The following PLCH1 variants were observed in gnomAD, a reference collection of about 807,000 sequenced individuals.
PLCH1 encodes the protein 1-phosphatidylinositol 4,5-bisphosphate phosphodiesterase eta-1.
A neutral mutation model predicts 126.7 loss-of-function variants in PLCH1; 60 were observed. That is an observed-to-expected ratio of 0.47 (90% CI 0.38 to 0.59). The LOEUF (loss-of-function observed/expected upper bound fraction) is 0.59, where lower values mean the gene tolerates loss of function less well. Among genes scored for constraint, PLCH1 ranks in the 20% least tolerant of loss-of-function variants. The probability of loss-of-function intolerance (pLI) is 0.00; values close to 1 mark genes in which losing one functional copy is unlikely to be tolerated. For synonymous variants in PLCH1, 719 were observed against 734.9 expected (o/e 0.98, Z 0.35); for missense variants, 1,723 against 2,040.0 (o/e 0.84, Z 2.99).
chr3:155,476,787 G>T (rs1713564881), downstream of PLCH1, among the ~76,000 whole-genome samples: 1 of 152,060 alleles, frequency 6.6e-6, no homozygotes, highest in African/African-American at 2.4e-5. Context: ...CATATTCATG[G>T]ATTGGAAGAC....
intron 13 of PLCH1, among the ~76,000 whole-genome samples, chr3:155,504,287 T>C (rs1414030120): frequency 2.0e-5 from 3 of 152,234 alleles, no homozygotes; most frequent in Non-Finnish European, 4.4e-5. Context: ...TGGATATGTA[T>C]ATTTAAGATG....
chr3:155,561,226 C>T (rs1394471144), intron 8 of PLCH1, among the ~76,000 whole-genome samples: 3 of 151,464 alleles, frequency 2.0e-5, no homozygotes, highest in African/African-American at 7.3e-5. Context: ...TGGTGCGCTG[C>T]ACCCACTAAC....
At chr3:155,681,123 T>C (rs1744497928) in intron 2 of PLCH1, among the ~76,000 whole-genome samples, 1 of 152,246 alleles carries the variant, frequency 6.6e-6, no homozygotes, top group Non-Finnish European at 1.5e-5. Context: ...CTTTCTTCTT[T>C]ATATGTTACT....
intron 2 of PLCH1, among the ~76,000 whole-genome samples, chr3:155,602,810 C>G (rs1486774757): frequency 6.6e-6 from 1 of 151,384 alleles, no homozygotes; most frequent in East Asian, 1.9e-4. Context: ...AATATATAAA[C>G]AGAAAGCAAT....
intron 11 of PLCH1, among the ~76,000 whole-genome samples, chr3:155,518,669 T>C (rs1440020029): frequency 6.6e-6 from 1 of 152,004 alleles, no homozygotes; most frequent in African/African-American, 2.4e-5. Context: ...GAACTCCACG[T>C]CTCTAACCCC....
At chr3:155,555,453 T>C (rs572608301) in intron 8 of PLCH1, among the ~76,000 whole-genome samples, 2 of 152,174 alleles carry the variant, frequency 1.3e-5, no homozygotes, top group Admixed American at 6.5e-5. Flanking sequence ...AGCCACAAGA[T>C]GGAAAAAGAC....
intron 4 of PLCH1, among the ~76,000 whole-genome samples, chr3:155,590,316 C>T (rs577835338): frequency 2.6e-5 from 4 of 152,282 alleles, no homozygotes; most frequent in South Asian, 4.1e-4. Context: ...CGGTGGCTCA[C>T]GCCTGTAATC....
At chr3:155,658,825 T>C (rs1741748490) in intron 2 of PLCH1, among the ~76,000 whole-genome samples, 1 of 152,200 alleles carries the variant, frequency 6.6e-6, no homozygotes, top group African/African-American at 2.4e-5. Flanking sequence ...TGGAAAGAAG[T>C]AGTCACACAT....
chr3:155,471,605 C>T (rs373922399), intron 21 of PLCH1, among the ~76,000 whole-genome samples: 4 of 145,730 alleles, frequency 2.7e-5, no homozygotes, highest in Non-Finnish European at 6.0e-5. Context: ...ACTCTCCACC[C>T]CAAATCAACA....
chr3:155,592,769 T>A (rs764829197), intron 4 of PLCH1, among the ~76,000 whole-genome samples: 1 of 152,200 alleles, frequency 6.6e-6, no homozygotes, highest in Non-Finnish European at 1.5e-5. Flanking sequence ...CGGTTTCTGA[T>A]ACTTGTACCA....
At chr3:155,744,220 G>A (rs965318958) in intron 1 of PLCH1, among the ~76,000 whole-genome samples, 8 of 152,214 alleles carry the variant, frequency 5.3e-5, no homozygotes, top group Non-Finnish European at 8.8e-5. Flanking sequence ...CGCCGCGCAG[G>A]CGCAGAGCGT....
At chr3:155,488,588 CAT>C (rs1715666008) in intron 20 of PLCH1, 70 bp downstream of exon 20, 15 of 1,204,526 alleles carry the variant, frequency 1.2e-5, no homozygotes, top group East Asian at 2.4e-5. Context: ...ATGTAAGTAA[CAT>C]ATCATATATT....
Position 155,680,684 on chromosome 3 carries a change from CTTATT to C in PLCH1, c.79+23457_79+23461del, listed in dbSNP as rs573469278. Among the ~76,000 whole-genome samples the C allele has an allele frequency of 2.0e-3, 298 of 152,224 alleles. 1 individual carries two copies. The highest frequency in any genetic ancestry group is 7.0e-3 in the African/African-American group (290 of 41,552). On this transcript the variant is annotated intron_variant, in intron 2 of 22. Transcript: ENST00000460012. ...AGCAAGATTTGTAAAAATGGTTATG[CTTATT>C]TTAGTCAATAATCATTGCTGCTAGA...
intron 10 of PLCH1, among the ~76,000 whole-genome samples, chr3:155,535,469 G>A (rs1723227715): frequency 1.3e-5 from 2 of 152,192 alleles, no homozygotes. Context: ...GACTGGCCTT[G>A]CTGGCTGAGT....
At chr3:155,651,757 T>A in intron 2 of PLCH1, among the ~76,000 whole-genome samples, 1 of 152,232 alleles carries the variant, frequency 6.6e-6, no homozygotes, top group Admixed American at 6.5e-5. Flanking sequence ...AACATTAATA[T>A]AGGGGATCCC....
intron 4 of PLCH1, among the ~76,000 whole-genome samples, chr3:155,589,233 T>G (rs2108621174): frequency 6.6e-6 from 1 of 152,258 alleles, no homozygotes; most frequent in Middle Eastern, 3.4e-3. Flanking sequence ...TTTTAAGTTT[T>G]GCAGGACATT....
chr3:155,622,673 T>A (rs1736673384), intron 2 of PLCH1, among the ~76,000 whole-genome samples: 1 of 147,818 alleles, frequency 6.8e-6, no homozygotes, highest in Admixed American at 6.8e-5. Context: ...ACAAGGGCAT[T>A]ACATAATGGT....
Position 155,583,511 on chromosome 3 carries a change from A to T in PLCH1, c.732T>A (p.Thr244=). The T allele has an allele frequency of 6.2e-7, 1 of 1,607,822 alleles. No homozygotes were observed. Among genetic ancestry groups the T allele is most frequent in the South Asian group, 1.1e-5 (1 of 89,666 alleles). ...LSYSDKKDHL[T]VEELAQFLKV... ...TCAAAAACTGAGCCAGTTCTTCCAC[A>T]GTTAGGTGATCTTTCTTGTCACTGT... The change falls in exon 6 of 23, where the codon ACT becomes ACA. Residue 244 remains threonine, a synonymous_variant. Coordinates refer to ENST00000460012, the MANE Select transcript of PLCH1 (RefSeq NM_014996.4).
rs142856412 is a variant in PLCH1 at position 155,551,565 on chromosome 3, C to T, written c.1191-1607G>A. On this transcript the variant is annotated intron_variant, in intron 9 of 22. Transcript: ENST00000460012. The stretch of plus-strand genomic sequence containing the variant: ...CAATTATTCCCCCCAGTACAGGAGA[C>T]GCTTGTCAATATCTGAAGACATTTT... 6.5e-4 allele frequency among the ~76,000 whole-genome samples: 95 copies of T among 147,000 alleles called. No individual in the cohort carries two copies. The South Asian group carries it at 0.018, about 27-fold the overall frequency.
Sources: allele counts gnomAD v4.1 joint callset (sites outside exome capture counted in the v4.1 genomes callset), GRCh38; gene constraint gnomAD v4.1.1; transcripts MANE v1.5; gene names NCBI Gene and HGNC (gene_info 2026-07-23, HGNC 2026-07-21).